Variants in CYP39A1 observed in about 807,000 individuals in gnomAD.
CYP39A1 encodes 24-hydroxycholesterol 7-alpha-hydroxylase.
In CYP39A1, 49 loss-of-function variants were observed where a neutral mutation model predicts 58.1. The ratio of observed to expected loss-of-function variants is 0.84; its 90% confidence interval spans 0.67 to 1.07. CYP39A1 has a LOEUF of 1.07. CYP39A1 is among the 50% of genes least tolerant of loss of function. The pLI is 0.00. For missense variants in CYP39A1, 531 were observed against 539.4 expected (o/e 0.98, Z 0.16); for synonymous variants, 209 against 187.6 (o/e 1.11, Z -0.93).
intron 7 of CYP39A1, among the ~76,000 whole-genome samples, chr6:46,600,989 G>T (rs763369819): frequency 6.6e-6 from 1 of 152,040 alleles, no homozygotes; most frequent in African/African-American, 2.4e-5. Context: ...AGAGTCTTGC[G>T]GGACTGAGCC....
intron 7 of CYP39A1, among the ~76,000 whole-genome samples, chr6:46,618,074 C>T (rs1582412138): frequency 6.6e-6 from 1 of 152,242 alleles, no homozygotes; most frequent in Non-Finnish European, 1.5e-5. Flanking sequence ...TTACTAATTT[C>T]ATGATGTGGG....
In CYP39A1 at chr6:46,606,180, A is replaced by G. The variant is rs1306864619; in HGVS notation, c.932-10060T>C. Among the ~76,000 whole-genome samples the G allele has an allele frequency of 3.9e-5, 6 of 152,198 alleles. No individual in the cohort carries two copies. The South Asian group carries it at 1.0e-3, about 26-fold the overall frequency. On this transcript the variant is annotated intron_variant, in intron 7 of 11. Coordinates refer to ENST00000275016, the MANE Select transcript of CYP39A1 (RefSeq NM_016593.5). ...GGGTAAAACGTTCTATATTAATAAT[A>G]TAGAAACAGAAGCTTGTTTTGAATT...
intron 6 of CYP39A1, among the ~76,000 whole-genome samples, chr6:46,626,386 A>C (rs1352921427): frequency 2.6e-5 from 4 of 152,160 alleles, no homozygotes; most frequent in African/African-American, 9.7e-5. Flanking sequence ...ATCTAGGAGA[A>C]TTGGTCCTGA....
At chr6:46,638,266 T>C (rs1776117757) in intron 3 of CYP39A1, among the ~76,000 whole-genome samples, 1 of 152,218 alleles carries the variant, frequency 6.6e-6, no homozygotes, top group African/African-American at 2.4e-5. Context: ...ACTGATCTAA[T>C]ACAATTCAAC....
intron 2 of CYP39A1, among the ~76,000 whole-genome samples, chr6:46,641,766 A>G (rs1166012466): frequency 6.6e-6 from 1 of 152,224 alleles, no homozygotes; most frequent in Non-Finnish European, 1.5e-5. Flanking sequence ...TTACTAAGCC[A>G]TGGAATTCTA....
At chr6:46,631,879 C>T (rs1364186529) in intron 5 of CYP39A1, among the ~76,000 whole-genome samples, 11 of 152,188 alleles carry the variant, frequency 7.2e-5, no homozygotes, top group Admixed American at 6.5e-4. Flanking sequence ...TTGTCTTTGC[C>T]AGTGACGGCT....
intron 6 of CYP39A1, among the ~76,000 whole-genome samples, chr6:46,630,147 AAC>A (rs1491038935): frequency 6.6e-6 from 1 of 151,580 alleles, no homozygotes; most frequent in Admixed American, 6.6e-5. Flanking sequence ...ACCCACAAAA[AAC>A]AGTTTTTTAA....
Position 46,652,805 on chromosome 6 carries a change from C to T in CYP39A1, c.-223G>A, listed in dbSNP as rs1319539072. On this transcript the variant is annotated 5_prime_UTR_variant, in exon 1 of 12. Transcript: ENST00000275016. ...CCACTTCTCTTTGAATCTCAGCCAG[C>T]GCGGAAAAAATGCAAGGAGGGGCAG... is the stretch of plus-strand genomic sequence containing the variant. 2 of 493,698 alleles carry T rather than the reference C, an allele frequency of 4.1e-6. No individual in the cohort carries two copies. The highest frequency in any genetic ancestry group is 3.4e-5 in the East Asian group (1 of 29,724). 30.6% of individuals were successfully genotyped at this position (493,698 alleles called of 1,614,324 possible).
At position 46,652,546 on chromosome 6, in the gene CYP39A1, C is replaced by G. The variant is rs771071163; in HGVS notation, c.37G>C (p.Gly13Arg). Residue 13 changes from glycine to arginine, a missense_variant, in exon 1 of 12, where the codon GGT becomes CGT. Physicochemically the swap from Gly to Arg is moderately radical, Grantham distance 125 (BLOSUM62 -2). Transcript: ENST00000275016. Reference protein sequence around the residue: ...LISPTVIIILGCLALFLLLQR... With the variant: ...LISPTVIIILRCLALFLLLQR... ...AGGAGTAAGAACAGAGCAAGGCAAC[C>G]CAGGATTATAATCACTGTTGGGGAA... 6.2e-7 allele frequency: 1 copy of G among 1,610,718 alleles called. No individual in the cohort carries two copies.
At chr6:46,598,569 C>T (rs995387509) in intron 7 of CYP39A1, among the ~76,000 whole-genome samples, 2 of 152,012 alleles carry the variant, frequency 1.3e-5, no homozygotes, top group African/African-American at 4.8e-5. Context: ...TAAACTAATT[C>T]GGAAAAATAA....
rs1442676661 is a variant in CYP39A1 at position 46,652,659 on chromosome 6, C to A, written c.-77G>T. 2 of 1,373,274 alleles carry A rather than the reference C, an allele frequency of 1.5e-6. No homozygotes were observed. Among genetic ancestry groups the A allele is most frequent in the Non-Finnish European group, 2.0e-6 (2 of 1,025,008 alleles). 85.1% of individuals were successfully genotyped at this position (1,373,274 alleles called of 1,614,324 possible). ...TCCCTTGCTTCTTTTCTGTGGGCTA[C>A]GGAACCTGTCGGGACTCCCAACCTT... On this transcript the variant is annotated 5_prime_UTR_variant, in exon 1 of 12. Transcript: ENST00000275016.
chr6:46,616,005 TC>T (rs1774514132), intron 7 of CYP39A1, among the ~76,000 whole-genome samples: 3 of 13,804 alleles, frequency 2.2e-4, no homozygotes, highest in Admixed American at 5.1e-4. Flanking sequence ...TTTCCCTCCC[TC>T]CCCCCTCCCT....
chr6:46,585,249 T>C (rs1445356054), intron 10 of CYP39A1, among the ~76,000 whole-genome samples: 2 of 152,164 alleles, frequency 1.3e-5, no homozygotes, highest in East Asian at 1.9e-4. Flanking sequence ...TGCAAGACAT[T>C]TCAGTCATTG....
At chr6:46,613,522 G>A (rs1257439597) in intron 7 of CYP39A1, among the ~76,000 whole-genome samples, 2 of 151,928 alleles carry the variant, frequency 1.3e-5, no homozygotes, top group Non-Finnish European at 2.9e-5. Flanking sequence ...TAATTAATCT[G>A]GTTCCTTGCA....
At chr6:46,601,592 G>C (rs1773509711) in intron 7 of CYP39A1, among the ~76,000 whole-genome samples, 1 of 152,052 alleles carries the variant, frequency 6.6e-6, no homozygotes, top group South Asian at 2.1e-4. Flanking sequence ...CAAGGTTGCT[G>C]TCAGGATTAA....
intron 10 of CYP39A1, among the ~76,000 whole-genome samples, chr6:46,576,598 T>C (rs1459264585): frequency 2.0e-5 from 3 of 152,102 alleles, no homozygotes; most frequent in African/African-American, 7.2e-5. Context: ...AGGAAAACAG[T>C]GAAATGGTCC....
intron 7 of CYP39A1, among the ~76,000 whole-genome samples, chr6:46,603,135 T>A (rs1429127299): frequency 6.6e-6 from 1 of 152,154 alleles, no homozygotes; most frequent in East Asian, 1.9e-4. Context: ...AGGGTATGAG[T>A]TGGCAAATTA....
intron 10 of CYP39A1, among the ~76,000 whole-genome samples, chr6:46,581,328 T>C (rs1772121473): frequency 6.6e-6 from 1 of 151,350 alleles, no homozygotes; most frequent in Non-Finnish European, 1.5e-5. Context: ...GGAGGATGCT[T>C]GAGCACAGGA....
chr6:46,571,190 T>C (rs966363350), intron 10 of CYP39A1, among the ~76,000 whole-genome samples: 6 of 152,170 alleles, frequency 3.9e-5, no homozygotes, highest in Non-Finnish European at 7.4e-5. Flanking sequence ...GAAGAATGTA[T>C]ATGCTGCTGC....
Sources: gnomAD v4.1 joint callset for allele counts (sites outside exome capture counted in the v4.1 genomes callset) on GRCh38, gnomAD v4.1.1 for gene constraint, MANE v1.5 for transcripts, NCBI Gene and HGNC (gene_info 2026-07-23, HGNC 2026-07-21) for gene names.